Variants in DYM observed in about 807,000 individuals in gnomAD.
DYM encodes dyggve-Melchior-Clausen syndrome protein.
A neutral mutation model predicts 93.1 loss-of-function variants in DYM; 78 were observed. The observed-to-expected ratio is 0.84, with a 90% CI of 0.70 to 1.01. The LOEUF is 1.01. Ranked by LOEUF, DYM falls within the 50% of genes least tolerant of loss-of-function variation. The pLI, the probability that DYM is intolerant of heterozygous loss-of-function variation, is 0.00. For missense variants in DYM, 789 were observed against 845.0 expected, an observed-to-expected ratio of 0.93 and a Z score of 0.82; for synonymous variants, 321 against 319.7, an observed-to-expected ratio of 1.00 and a Z score of -0.04.
chr18:49,098,767 AT>A (rs1396535849), intron 16 of DYM, among the ~76,000 whole-genome samples: 1 of 152,208 alleles, frequency 6.6e-6, no homozygotes. Flanking sequence ...TGGGATTAAT[AT>A]TTTGTTCACA....
chr18:49,284,453 A>C (rs1407089829), intron 9 of DYM, among the ~76,000 whole-genome samples: 1 of 152,234 alleles, frequency 6.6e-6, no homozygotes, highest in Non-Finnish European at 1.5e-5. Context: ...GTTCAGCCCT[A>C]AATACCAACA....
chr18:49,371,068 G>A (rs546403927), intron 5 of DYM, among the ~76,000 whole-genome samples: 2 of 152,340 alleles, frequency 1.3e-5, no homozygotes, highest in East Asian at 1.9e-4. Flanking sequence ...TCAGTCAGTG[G>A]CAAGGAATGG....
chr18:49,102,067 TATA>T (rs1285191367), intron 16 of DYM, among the ~76,000 whole-genome samples: 2 of 152,180 alleles, frequency 1.3e-5, no homozygotes, highest in Non-Finnish European at 2.9e-5. Context: ...CACCTCTTCT[TATA>T]ATATCTTCAA....
rs553328309 is a variant in DYM at position 49,239,603 on chromosome 18, C to T, written c.1460+17407G>A. On this transcript the variant is annotated intron_variant, in intron 13 of 17. Transcript: ENST00000675505. ...TGGGATGTCCCCTCTTGGGAACCTGCCTGCGTTGCGGTGAGGAGGCCAAGC... is the reference window on the plus strand; with the variant it reads ...TGGGATGTCCCCTCTTGGGAACCTGTCTGCGTTGCGGTGAGGAGGCCAAGC... 2.1e-4 allele frequency among the ~76,000 whole-genome samples: 32 copies of T among 152,330 alleles called. No homozygotes were observed. The South Asian group carries it at 4.8e-3, about 23-fold the overall frequency.
chr18:49,393,096 GGAAGGAAGGAAGGAAGGAAGGAAGGAA>G (rs1347996166), intron 2 of DYM, among the ~76,000 whole-genome samples: 1,220 of 13,664 alleles, frequency 0.089, 87 homozygotes, highest in Non-Finnish European at 0.13. Context: ...AGGGAGGGAA[GGAAGGAAGGAAGGAAGGAAGGAAGGAA>G]GGAAGGAAGG....
chr18:49,239,955 C>T (rs113024429), intron 13 of DYM, among the ~76,000 whole-genome samples: 1 of 152,154 alleles, frequency 6.6e-6, no homozygotes, highest in African/African-American at 2.4e-5. Context: ...CAATTTAGTA[C>T]AGTAACATTG....
chr18:49,267,710 A>G (rs1444169686), intron 11 of DYM, among the ~76,000 whole-genome samples: 2 of 152,210 alleles, frequency 1.3e-5, no homozygotes, highest in African/African-American at 4.8e-5. Flanking sequence ...CCTGGCCAAC[A>G]TGGTGAAACA....
intron 17 of DYM, among the ~76,000 whole-genome samples, chr18:49,074,986 T>C (rs2077183111): frequency 6.6e-6 from 1 of 151,998 alleles, no homozygotes; most frequent in African/African-American, 2.4e-5. Context: ...ACTCACAGAG[T>C]CCTGAGGAAG....
At chr18:49,251,754 T>C (rs954802401) in intron 13 of DYM, among the ~76,000 whole-genome samples, 6 of 152,116 alleles carry the variant, frequency 3.9e-5, no homozygotes, top group Admixed American at 6.5e-5. Flanking sequence ...CAAGATTCCA[T>C]AGGTAGTAAA....
At chr18:49,176,777 A>T (rs1262297742) in intron 14 of DYM, among the ~76,000 whole-genome samples, 4 of 152,076 alleles carry the variant, frequency 2.6e-5, no homozygotes, top group African/African-American at 9.7e-5. Flanking sequence ...AAAATTAAAA[A>T]TTGGTAATTT....
At chr18:49,297,197 G>C (rs1408013779) in intron 8 of DYM, among the ~76,000 whole-genome samples, 7 of 152,200 alleles carry the variant, frequency 4.6e-5, no homozygotes, top group Admixed American at 4.6e-4. Context: ...TCAGACACTA[G>C]TGGTAGGATG....
At chr18:49,370,107 G>A (rs970635791) in intron 5 of DYM, among the ~76,000 whole-genome samples, 7 of 151,594 alleles carry the variant, frequency 4.6e-5, no homozygotes, top group Non-Finnish European at 1.0e-4. Context: ...TGAAACCCCC[G>A]TCTCTACTAA....
At chr18:49,085,054 G>A (rs2078384424) in intron 17 of DYM, among the ~76,000 whole-genome samples, 1 of 152,076 alleles carries the variant, frequency 6.6e-6, no homozygotes, top group African/African-American at 2.4e-5. Flanking sequence ...TTGTATATAT[G>A]ATCTCTCAAT....
chr18:49,382,572 A>G (rs1189072393), intron 3 of DYM, among the ~76,000 whole-genome samples: 2 of 152,204 alleles, frequency 1.3e-5, no homozygotes, highest in Non-Finnish European at 2.9e-5. Context: ...GTAACAACAC[A>G]GGAGGTCCGA....
intron 17 of DYM, among the ~76,000 whole-genome samples, chr18:49,077,388 G>T (rs750064430): frequency 2.1e-4 from 32 of 152,172 alleles, no homozygotes; most frequent in Non-Finnish European, 3.7e-4. Context: ...AACTTATTGA[G>T]ATCTGTTCTA....
At position 49,209,594 on chromosome 18, in the gene DYM, A is replaced by G; in HGVS notation, c.1582T>C (p.Leu528=). ...STLSDNGEEL[L]SLTCSHILRS... is the part of the protein sequence containing the mutation. ...AGAATGTGAGAGCAAGTTAAAGACA[A>G]GAGTTCCTCTCCATTGTCACTGAGG... Residue 528 remains leucine (L), a synonymous_variant, in exon 14 of 18, where the codon TTG becomes CTG. Coordinates refer to ENST00000675505, the MANE Select transcript of DYM (RefSeq NM_001353214.3). 1.6e-6 allele frequency: 2 copies of G among 1,289,846 alleles called. No homozygotes were observed. Among genetic ancestry groups the G allele is most frequent in the South Asian group, 1.2e-5 (1 of 81,012 alleles). 79.9% of individuals were successfully genotyped at this position (1,289,846 alleles called of 1,614,324 possible). A position where few individuals can be genotyped will look rare whatever the true frequency, so the allele number is the denominator to read the frequency against.
intron 14 of DYM, among the ~76,000 whole-genome samples, chr18:49,194,043 G>C (rs909146036): frequency 6.6e-6 from 1 of 152,162 alleles, no homozygotes; most frequent in African/African-American, 2.4e-5. Flanking sequence ...GCATCATGAC[G>C]TGCCAGGGCA....
chr18:49,120,267 C>T (rs2082272395), intron 15 of DYM, among the ~76,000 whole-genome samples: 1 of 151,926 alleles, frequency 6.6e-6, no homozygotes, highest in Non-Finnish European at 1.5e-5. Context: ...TGCAAATAGT[C>T]CACAATAGTT....
chr18:49,424,816 C>T (rs1384816931), intron 2 of DYM, among the ~76,000 whole-genome samples: 5 of 151,970 alleles, frequency 3.3e-5, no homozygotes, highest in East Asian at 1.9e-4. Context: ...GAATAAAATA[C>T]CTAGGAATCC....
Sources: allele counts gnomAD v4.1 joint callset (sites outside exome capture counted in the v4.1 genomes callset), GRCh38; gene constraint gnomAD v4.1.1; transcripts MANE v1.5; gene names NCBI Gene and HGNC (gene_info 2026-07-23, HGNC 2026-07-21).